The following RALGAPA1 variants were observed in gnomAD, a reference collection of about 807,000 sequenced individuals.
The protein encoded by RALGAPA1 is Ral GTPase activating protein catalytic subunit alpha 1.
RALGAPA1 carries 52 observed loss-of-function variants against 269.6 expected under a neutral mutation model. That is an observed-to-expected ratio of 0.19 (90% CI 0.15 to 0.24). The LOEUF is 0.24. RALGAPA1 is among the 10% of genes least tolerant of loss of function. The pLI is 1.00. For missense variants in RALGAPA1, 1,917 were observed against 3,013.9 expected, an observed-to-expected ratio of 0.64 and a Z score of 8.52; for synonymous variants, 817 against 1,008.3, an observed-to-expected ratio of 0.81 and a Z score of 3.60.
At chr14:35,794,246 G>A (rs528048852) in intron 1 of RALGAPA1, among the ~76,000 whole-genome samples, 44 of 152,054 alleles carry the variant, frequency 2.9e-4, no homozygotes, top group South Asian at 6.2e-4. Context: ...AGGTCGAGGC[G>A]GTCAGATAAC....
chr14:35,685,399 T>C (rs1050235452), intron 19 of RALGAPA1, among the ~76,000 whole-genome samples: 3 of 151,642 alleles, frequency 2.0e-5, no homozygotes, highest in Non-Finnish European at 4.4e-5. Context: ...ATCCATGCAG[T>C]GAATATAAAT....
chr14:35,635,303 A>C (rs1254146891), intron 32 of RALGAPA1, among the ~76,000 whole-genome samples, 161 bp downstream of exon 32: 3 of 152,250 alleles, frequency 2.0e-5, no homozygotes, highest in African/African-American at 7.2e-5. Context: ...GGTGTCTTGT[A>C]GGAAGCACTT....
rs577829569 is a variant in RALGAPA1, at chr14:35,689,550, T to C, written c.2861A>G (p.His954Arg). 4.3e-5 allele frequency: 54 copies of C among 1,242,000 alleles called. No individual in the cohort carries two copies. Among genetic ancestry groups the C allele is most frequent in the Admixed American group, 2.5e-4 (6 of 24,210 alleles). The allele number at this position is 1,242,000 out of a possible 1,614,324, so 76.9% of individuals were successfully genotyped here. The change falls in exon 18 of 42, where the codon CAT becomes CGT. Residue 954 changes from histidine (H) to arginine (R), a missense_variant. His to Arg is a conservative substitution (Grantham distance 29, BLOSUM62 0). Coordinates refer to ENST00000680220, the MANE Select transcript of RALGAPA1 (RefSeq NM_001346249.2). ...KEYFKENQEN[H>R]SKNETGKDPA... ...GTCTTTCCCTGTCTCATTTTTACTA[T>C]GATTTTCCTGGTTTTCCTTAAAATA...
intron 27 of RALGAPA1, among the ~76,000 whole-genome samples, chr14:35,660,205 T>C (rs895268254): frequency 6.6e-6 from 1 of 152,008 alleles, no homozygotes; most frequent in African/African-American, 2.4e-5. Context: ...AAGGCATCCA[T>C]TCTTCCTTTT....
intron 31 of RALGAPA1, among the ~76,000 whole-genome samples, chr14:35,643,750 GA>G (rs1399019963): frequency 6.6e-6 from 1 of 152,116 alleles, no homozygotes; most frequent in Non-Finnish European, 1.5e-5. Context: ...GATGGAACTG[GA>G]AGTCATTATG....
intron 10 of RALGAPA1, among the ~76,000 whole-genome samples, chr14:35,744,767 T>C (rs2071890416): frequency 6.6e-6 from 1 of 152,218 alleles, no homozygotes; most frequent in Non-Finnish European, 1.5e-5. Flanking sequence ...CATCACTGCC[T>C]GCTTTAAGAA....
intron 36 of RALGAPA1, among the ~76,000 whole-genome samples, chr14:35,602,932 G>A (rs991745038): frequency 6.6e-6 from 1 of 152,110 alleles, no homozygotes; most frequent in African/African-American, 2.4e-5. Flanking sequence ...ATGGTATGGG[G>A]TAAGAGTCTG....
In RALGAPA1 at chr14:35,605,830, T is replaced by C. The variant is rs2059566257; in HGVS notation, c.6930-121A>G. 24 of 1,186,978 alleles carry C rather than the reference T, an allele frequency of 2.0e-5. No individual in the cohort carries two copies. In the South Asian group the frequency reaches 2.2e-4, roughly 11 times the overall value. The allele number at this position is 1,186,978 out of a possible 1,614,324, so 73.5% of individuals were successfully genotyped here. A position where few individuals can be genotyped will look rare whatever the true frequency, so the allele number is the denominator to read the frequency against. On this transcript the variant is annotated intron_variant, in intron 35 of 41. Transcript: ENST00000680220. ...AAAGATGAAAAAGAATTAGATCTTA[T>C]AGTCTACAGAAGGAGATATAAATGC...
intron 1 of RALGAPA1, among the ~76,000 whole-genome samples, chr14:35,789,630 A>G (rs2076019556): frequency 6.6e-6 from 1 of 152,050 alleles, no homozygotes; most frequent in Non-Finnish European, 1.5e-5. Flanking sequence ...TCTGAGGTGG[A>G]ACAGTTTCAT....
chr14:35,794,831 A>G (rs532385309), intron 1 of RALGAPA1, among the ~76,000 whole-genome samples: 2 of 152,334 alleles, frequency 1.3e-5, no homozygotes, highest in African/African-American at 2.4e-5. Flanking sequence ...ATACCTACTG[A>G]ATACTTTGTA....
At chr14:35,570,539 T>C in intron 39 of RALGAPA1, 78 bp downstream of exon 39, 2 of 1,178,836 alleles carry the variant, frequency 1.7e-6, no homozygotes, top group South Asian at 2.1e-5. Context: ...TAAAAGGCTT[T>C]AACAATATAT....
chr14:35,608,052 A>C (rs1460004871), intron 35 of RALGAPA1, among the ~76,000 whole-genome samples: 2 of 152,188 alleles, frequency 1.3e-5, no homozygotes, highest in Non-Finnish European at 2.9e-5. Context: ...CTGGGAAGCT[A>C]AGACTTAAAA....
intron 4 of RALGAPA1, chr14:35,765,927 G>C: frequency 7.9e-7 from 1 of 1,262,418 alleles, no homozygotes; most frequent in Non-Finnish European, 1.1e-6. Context: ...ATCTGGAAAT[G>C]CAGAAGGCGT....
chr14:35,690,512 G>T lies in RALGAPA1; in HGVS notation c.2408-509C>A, dbSNP rs117965520. Among the ~76,000 whole-genome samples the T allele has an allele frequency of 4.5e-4, 68 of 152,224 alleles. 1 individual carries two copies. The East Asian group carries it at 0.012, about 28-fold the overall frequency. The stretch of plus-strand genomic sequence containing the variant: ...CTCTGTTTGATTACATATTAGAAAT[G>T]AAAGTCTCTACCCTCTTCCTAAATT... On this transcript the variant is annotated intron_variant, in intron 17 of 41. Transcript: ENST00000680220.
At chr14:35,630,888 A>C in intron 33 of RALGAPA1, among the ~76,000 whole-genome samples, 1 of 152,254 alleles carries the variant, frequency 6.6e-6, no homozygotes. Flanking sequence ...ATAAAAAAGA[A>C]AATAAATAAA....
intron 35 of RALGAPA1, among the ~76,000 whole-genome samples, chr14:35,607,619 C>T (rs981265060): frequency 7.9e-5 from 12 of 152,204 alleles, no homozygotes; most frequent in Non-Finnish European, 1.6e-4. Context: ...CACTGCCACT[C>T]CAGGAAAAGC....
chr14:35,716,345 C>T (rs978541890), intron 16 of RALGAPA1, among the ~76,000 whole-genome samples: 1 of 138,518 alleles, frequency 7.2e-6, no homozygotes, highest in Admixed American at 7.8e-5. Flanking sequence ...TTGCAGTGAG[C>T]TGAGATCGCA....
At chr14:35,586,603 T>C (rs897368449) in intron 37 of RALGAPA1, among the ~76,000 whole-genome samples, 1 of 152,236 alleles carries the variant, frequency 6.6e-6, no homozygotes, top group African/African-American at 2.4e-5. Context: ...AAACAGCTCT[T>C]ACTATTTTGA....
intron 17 of RALGAPA1, among the ~76,000 whole-genome samples, chr14:35,693,953 GA>G (rs1038752839): frequency 2.6e-5 from 4 of 151,824 alleles, no homozygotes; most frequent in Admixed American, 1.3e-4. Context: ...AAAATGTTAA[GA>G]AAAAAGTACT....
Sources: allele counts gnomAD v4.1 joint callset (sites outside exome capture counted in the v4.1 genomes callset), GRCh38; gene constraint gnomAD v4.1.1; transcripts MANE v1.5; gene names NCBI Gene and HGNC (gene_info 2026-07-23, HGNC 2026-07-21).